Variants in COL23A1 observed in about 807,000 individuals in gnomAD.
COL23A1 encodes collagen alpha-1(XXIII) chain.
A neutral mutation model predicts 99.3 loss-of-function variants in COL23A1; 97 were observed. The observed-to-expected ratio is 0.98, with a 90% CI of 0.83 to 1.16. The LOEUF is 1.16. Ranked by LOEUF, COL23A1 falls within the 50% of genes most tolerant of loss-of-function variation. The pLI, the probability that COL23A1 is intolerant of heterozygous loss-of-function variation, is 0.00. For synonymous variants in COL23A1, 320 were observed against 308.2 expected, an observed-to-expected ratio of 1.04 and a Z score of -0.40; for missense variants, 762 against 757.4, an observed-to-expected ratio of 1.01 and a Z score of -0.07.
At chr5:178,399,113 T>C (rs2127761629) in intron 2 of COL23A1, among the ~76,000 whole-genome samples, 1 of 152,348 alleles carries the variant, frequency 6.6e-6, no homozygotes, top group South Asian at 2.1e-4. Context: ...TGCACACGGA[T>C]GCTGGCATCG....
chr5:178,353,021 C>T (rs566446603), intron 2 of COL23A1, among the ~76,000 whole-genome samples: 9 of 152,240 alleles, frequency 5.9e-5, no homozygotes, highest in African/African-American at 1.4e-4. Flanking sequence ...AATGCACATA[C>T]GCTTTGATCT....
At chr5:178,472,069 A>G (rs1015353248) in intron 2 of COL23A1, among the ~76,000 whole-genome samples, 2 of 152,124 alleles carry the variant, frequency 1.3e-5, no homozygotes, top group Admixed American at 1.3e-4. Flanking sequence ...AGGAGGGAGG[A>G]TGGCTTGACC....
chr5:178,358,994 T>G (rs1762032311), intron 2 of COL23A1, among the ~76,000 whole-genome samples: 1 of 152,200 alleles, frequency 6.6e-6, no homozygotes, highest in African/African-American at 2.4e-5. Context: ...CAAATCCAAC[T>G]GTCTAATAAA....
rs1267094291 is a variant in COL23A1 at position 178,256,340 on chromosome 5, G to T, written c.882+13C>A. ...CTCATCCCTGAGGCCTCGCCTGAGG[G>T]GCGGCAGCTTACCCGGGGCCCTGCA... On this transcript the variant is annotated intron_variant, in intron 15 of 28. Coordinates refer to ENST00000390654, the MANE Select transcript of COL23A1 (RefSeq NM_173465.4). The T allele has an allele frequency of 6.3e-7, 1 of 1,596,002 alleles. No individual in the cohort carries two copies. The highest frequency in any genetic ancestry group is 8.5e-7 in the Non-Finnish European group (1 of 1,169,638).
chr5:178,337,683 C>A (rs1760420220), intron 2 of COL23A1, among the ~76,000 whole-genome samples: 1 of 152,092 alleles, frequency 6.6e-6, no homozygotes, highest in Non-Finnish European at 1.5e-5. Flanking sequence ...CCCCGCCATC[C>A]AGGACTGCAG....
chr5:178,362,653 C>T (rs1415434912), intron 2 of COL23A1, among the ~76,000 whole-genome samples: 1 of 152,156 alleles, frequency 6.6e-6, no homozygotes, highest in Admixed American at 6.5e-5. Context: ...AAAATGTCAC[C>T]CAGGAGTCTC....
chr5:178,364,943 G>A (rs576974979), intron 2 of COL23A1, among the ~76,000 whole-genome samples: 1 of 152,352 alleles, frequency 6.6e-6, no homozygotes, highest in African/African-American at 2.4e-5. Flanking sequence ...AACTGGCTTG[G>A]AAGCCTGGGC....
chr5:178,261,572 T>A, intron 11 of COL23A1, 150 bp downstream of exon 11: 1 of 638,460 alleles, frequency 1.6e-6, no homozygotes, highest in Non-Finnish European at 2.8e-6. Context: ...AGAGATGCAG[T>A]AACTTGCCCA....
chr5:178,405,315 A>G (rs1276987347), intron 2 of COL23A1, among the ~76,000 whole-genome samples: 1 of 152,262 alleles, frequency 6.6e-6, no homozygotes, highest in Non-Finnish European at 1.5e-5. Context: ...ATGTTTCAAC[A>G]CTTCTGATTA....
chr5:178,242,466 T>C, intron 25 of COL23A1, 72 bp from the exon 26 acceptor site: 1 of 1,495,424 alleles, frequency 6.7e-7, no homozygotes, highest in Non-Finnish European at 9.3e-7. Context: ...GGCTCATCTC[T>C]GTTCCTCTCC....
chr5:178,512,384 A>T (rs1386218602), intron 2 of COL23A1, among the ~76,000 whole-genome samples: 8 of 152,250 alleles, frequency 5.3e-5, no homozygotes, highest in African/African-American at 1.7e-4. Context: ...TGTGGTATCC[A>T]ATTTGAGAAA....
chr5:178,448,958 TTTC>T (rs1767328489), intron 2 of COL23A1, among the ~76,000 whole-genome samples: 1 of 151,570 alleles, frequency 6.6e-6, no homozygotes, highest in Admixed American at 6.6e-5. Flanking sequence ...CTTAGGTTCA[TTTC>T]TTTTTTCTTT....
chr5:178,414,069 G>C (rs1765180020), intron 2 of COL23A1, among the ~76,000 whole-genome samples: 1 of 152,218 alleles, frequency 6.6e-6, no homozygotes, highest in African/African-American at 2.4e-5. Flanking sequence ...GCTGCTGTGT[G>C]CTCCGGTCCT....
rs572722823 is a variant in COL23A1, at chr5:178,541,992, C to T, written c.361+18690G>A. The stretch of plus-strand genomic sequence containing the variant: ...GACACAGGTGTGAGCTGCAAACTTA[C>T]GATATGTGCTCTTGCTTGTAGCAGG... On this transcript the variant is annotated intron_variant, in intron 2 of 28. Coordinates refer to ENST00000390654, the MANE Select transcript of COL23A1 (RefSeq NM_173465.4). 5.3e-5 allele frequency among the ~76,000 whole-genome samples: 8 copies of T among 152,254 alleles called. No individual in the cohort carries two copies. In the South Asian group the frequency reaches 6.2e-4, roughly 12 times the overall value.
intron 2 of COL23A1, among the ~76,000 whole-genome samples, chr5:178,426,510 C>T (rs539273882): frequency 2.0e-5 from 3 of 152,340 alleles, no homozygotes; most frequent in South Asian, 4.1e-4. Flanking sequence ...CCTGCGATCG[C>T]GCTCTGTGCT....
chr5:178,374,600 C>T (rs142325915), intron 2 of COL23A1, among the ~76,000 whole-genome samples: 1 of 152,326 alleles, frequency 6.6e-6, no homozygotes, highest in Non-Finnish European at 1.5e-5. Flanking sequence ...CACTGGGCTG[C>T]TGTAAGAGTT....
intron 2 of COL23A1, among the ~76,000 whole-genome samples, chr5:178,403,137 AT>A (rs369755198): frequency 0.13 from 17,909 of 135,588 alleles, 4,277 homozygotes; most frequent in East Asian, 0.18. Flanking sequence ...TAAATAAAAA[AT>A]AAATACCATT....
chr5:178,407,134 T>C (rs1764808998), intron 2 of COL23A1, among the ~76,000 whole-genome samples: 1 of 152,142 alleles, frequency 6.6e-6, no homozygotes, highest in Non-Finnish European at 1.5e-5. Context: ...GGAAGCCCCA[T>C]GGGGAGCAGT....
chr5:178,481,107 C>A (rs1757308952), intron 2 of COL23A1, among the ~76,000 whole-genome samples: 1 of 135,832 alleles, frequency 7.4e-6, no homozygotes. Flanking sequence ...GAGATCGCAC[C>A]ACTGCACTCC....
Sources: allele counts gnomAD v4.1 joint callset (sites outside exome capture counted in the v4.1 genomes callset), GRCh38; gene constraint gnomAD v4.1.1; transcripts MANE v1.5; gene names NCBI Gene and HGNC (gene_info 2026-07-23, HGNC 2026-07-21).